The following FRMPD4 variants were observed in gnomAD, a reference collection of about 807,000 sequenced individuals.
FRMPD4 encodes FERM and PDZ domain containing 4, also known as FERM and PDZ domain-containing protein 4.
In FRMPD4, 22 loss-of-function variants were observed where a neutral mutation model predicts 94.1. That is an observed-to-expected ratio of 0.23 (90% confidence interval 0.17 to 0.33). FRMPD4 has a LOEUF of 0.33. Among genes scored for constraint, FRMPD4 ranks in the 10% least tolerant of loss-of-function variants. The probability of loss-of-function intolerance (pLI) is 1.00; values close to 1 mark genes in which losing one functional copy is unlikely to be tolerated. For missense variants in FRMPD4, 1,111 were observed against 1,339.9 expected (o/e 0.83, Z 2.67); for synonymous variants, 631 against 548.6 (o/e 1.15, Z -2.10).
chrX:12,113,540 C>T (rs1427009464), intron 3 of FRMPD4, among the ~76,000 whole-genome samples: 1 of 111,503 alleles, frequency 9.0e-6, no homozygotes, highest in Non-Finnish European at 1.9e-5. Context: ...ATCTCTTCCT[C>T]TGACTCTGAC....
rs138179164 is a variant in FRMPD4, at chrX:12,511,255, C to T, written c.158+12459C>T. ...CATACTAGGAGAGAGGAAAACCAGG[C>T]CCAATCAAAGTGCCAAAATAAAACT... is the stretch of plus-strand genomic sequence containing the variant. On this transcript the variant is annotated intron_variant, in intron 2 of 16. Transcript: ENST00000675598. Among the ~76,000 whole-genome samples, 307 of 111,180 alleles carry T rather than the reference C, an allele frequency of 2.8e-3. 1 individual carries two copies. The highest frequency in any genetic ancestry group is 9.6e-3 in the African/African-American group (292 of 30,571).
chrX:12,514,585 T>G (rs1167175332), intron 2 of FRMPD4, among the ~76,000 whole-genome samples: 1 of 112,289 alleles, frequency 8.9e-6, no homozygotes, highest in Non-Finnish European at 1.9e-5. Flanking sequence ...GTGGATAAGC[T>G]TTTTGATGTG....
chrX:12,718,015 T>C lies in FRMPD4; in HGVS notation c.3189T>C (p.Gly1063=), dbSNP rs2042131826. ...CAGAGATGGAGGAGGAGGCCAGTGGTAAATTTGGTACTGTGTCTTCACGAG... is the reference window on the plus strand; with the variant it reads ...CAGAGATGGAGGAGGAGGCCAGTGGCAAATTTGGTACTGTGTCTTCACGAG... ...KTAEMEEEAS[G]KFGTVSSRDS... is the part of the protein sequence containing the mutation. Residue 1063 remains glycine, a synonymous_variant, in exon 16 of 17, where the codon GGT becomes GGC. Transcript: ENST00000675598. The C allele has an allele frequency of 8.3e-7, 1 of 1,211,599 alleles. No individual in the cohort carries two copies. The highest frequency in any genetic ancestry group is 1.1e-6 in the Non-Finnish European group (1 of 895,340).
intron 1 of FRMPD4, among the ~76,000 whole-genome samples, chrX:12,395,204 C>T (rs1238795479): frequency 8.9e-6 from 1 of 112,172 alleles, no homozygotes; most frequent in African/African-American, 3.2e-5. Context: ...AGATTACAGT[C>T]CCAGGAGGCT....
chrX:12,042,988 C>G (rs886487839), intron 3 of FRMPD4, among the ~76,000 whole-genome samples: 1 of 111,828 alleles, frequency 8.9e-6, no homozygotes, highest in African/African-American at 3.3e-5. Flanking sequence ...ATCTACTGAA[C>G]CAGACAGTGG....
intron 1 of FRMPD4, among the ~76,000 whole-genome samples, chrX:11,831,932 A>C (rs2053477126): frequency 8.9e-6 from 1 of 112,225 alleles, no homozygotes; most frequent in Non-Finnish European, 1.9e-5. Context: ...CTCTTGGGAA[A>C]ATTATGACTT....
At chrX:12,256,591 C>G (rs144096426) in intron 1 of FRMPD4, among the ~76,000 whole-genome samples, 1 of 111,812 alleles carries the variant, frequency 8.9e-6, no homozygotes, top group African/African-American at 3.3e-5. Context: ...CAGTAATAGT[C>G]AGGCCTGTTC....
At chrX:12,457,818 T>C (rs2057350191) in intron 1 of FRMPD4, among the ~76,000 whole-genome samples, 1 of 112,061 alleles carries the variant, frequency 8.9e-6, no homozygotes, top group Non-Finnish European at 1.9e-5. Context: ...CCGTCTCTCT[T>C]AATCTTCAGA....
intron 1 of FRMPD4, among the ~76,000 whole-genome samples, chrX:12,324,082 G>T (rs780015301): frequency 7.1e-5 from 8 of 111,894 alleles, no homozygotes; most frequent in African/African-American, 2.3e-4. Context: ...CCTCTCCAAG[G>T]TCTCTCTGAT....
intron 3 of FRMPD4, among the ~76,000 whole-genome samples, chrX:12,025,393 A>G (rs2054654171): frequency 9.1e-6 from 1 of 110,065 alleles, no homozygotes; most frequent in African/African-American, 3.3e-5. Flanking sequence ...AACTTAGGAC[A>G]TCTAAGAAAA....
At chrX:12,415,558 T>C (rs952709914) in intron 1 of FRMPD4, among the ~76,000 whole-genome samples, 4 of 111,831 alleles carry the variant, frequency 3.6e-5, no homozygotes, top group African/African-American at 1.3e-4. Context: ...ACAACAATAA[T>C]AGGGGGGATG....
intron 2 of FRMPD4, among the ~76,000 whole-genome samples, chrX:12,504,744 T>G (rs773843394): frequency 6.0e-4 from 67 of 112,396 alleles, no homozygotes; most frequent in African/African-American, 2.1e-3. Context: ...TAATTTGGCA[T>G]ATGGCACAAA....
chrX:11,853,918 G>C (rs1314488511), intron 1 of FRMPD4, among the ~76,000 whole-genome samples: 1 of 112,311 alleles, frequency 8.9e-6, no homozygotes, highest in Non-Finnish European at 1.9e-5. Flanking sequence ...ACCTGGCAGA[G>C]ATACAACAGA....
At chrX:12,192,471 C>A (rs1352637638) in intron 1 of FRMPD4, among the ~76,000 whole-genome samples, 2 of 111,758 alleles carry the variant, frequency 1.8e-5, no homozygotes, top group Admixed American at 9.5e-5. Flanking sequence ...AAGATGGCAG[C>A]TGCATTGACA....
intron 1 of FRMPD4, among the ~76,000 whole-genome samples, chrX:12,395,586 G>T (rs1007356022): frequency 9.0e-6 from 1 of 110,750 alleles, no homozygotes; most frequent in African/African-American, 3.3e-5. Flanking sequence ...AGTTATTTGG[G>T]GCTCTAGAGC....
At chrX:12,156,072 G>A (rs913798944) in intron 1 of FRMPD4, among the ~76,000 whole-genome samples, 4 of 111,960 alleles carry the variant, frequency 3.6e-5, no homozygotes, top group Admixed American at 9.5e-5. Context: ...GACAGACGTT[G>A]TGAAATGCCC....
At chrX:11,977,270 G>A (rs1487947272) in intron 3 of FRMPD4, among the ~76,000 whole-genome samples, 1 of 111,921 alleles carries the variant, frequency 8.9e-6, no homozygotes, top group African/African-American at 3.3e-5. Flanking sequence ...ATACAATGGT[G>A]GTATCAAGGA....
Position 12,717,866 on chromosome X carries a change from C to A in FRMPD4, c.3040C>A (p.Leu1014Met), listed in dbSNP as rs781278954. The A allele has an allele frequency of 3.3e-5, 40 of 1,210,162 alleles. No homozygotes were observed. The highest frequency in any genetic ancestry group is 4.1e-5 in the Non-Finnish European group (37 of 894,927). ...GTCGGTCACTGACTATTTTAGCAAA[C>A]TGCACATGGGGTCGGTGGCATACTC... ...TKSVTDYFSKLHMGSVAYSCT... is the reference protein window; with the variant it reads ...TKSVTDYFSKMHMGSVAYSCT... Residue 1014 changes from leucine to methionine, a missense_variant, in exon 16 of 17, where the codon CTG (leucine) becomes ATG (methionine). Transcript: ENST00000675598.
At chrX:12,663,496 A>G (rs1376128844) in intron 4 of FRMPD4, among the ~76,000 whole-genome samples, 3 of 111,947 alleles carry the variant, frequency 2.7e-5, no homozygotes, top group African/African-American at 9.8e-5. Context: ...CAGAGATCAG[A>G]TGGTTGTAGA....
Sources: gnomAD v4.1 joint callset for allele counts (sites outside exome capture counted in the v4.1 genomes callset) on GRCh38, gnomAD v4.1.1 for gene constraint, MANE v1.5 for transcripts, NCBI Gene and HGNC (gene_info 2026-07-23, HGNC 2026-07-21) for gene names.